NOTCH3: variants seen among roughly 807,000 people sequenced by gnomAD.
The protein encoded by NOTCH3 is notch receptor 3.
In NOTCH3, 86 loss-of-function variants were observed where a neutral mutation model predicts 213.3. The observed-to-expected ratio is 0.40, with a 90% CI of 0.34 to 0.48. The LOEUF (loss-of-function observed/expected upper bound fraction) is 0.48, where lower values mean the gene tolerates loss of function less well. NOTCH3 is among the 20% of genes least tolerant of loss of function. The pLI is 0.57. For missense variants in NOTCH3, 2,783 were observed against 3,272.6 expected, an observed-to-expected ratio of 0.85 and a Z score of 3.65; for synonymous variants, 1,354 against 1,355.9, an observed-to-expected ratio of 1.00 and a Z score of 0.03.
intron 24 of NOTCH3, among the ~76,000 whole-genome samples, chr19:15,176,626 G>C (rs994376292): frequency 1.3e-5 from 2 of 151,876 alleles, no homozygotes; most frequent in Non-Finnish European, 2.9e-5. Context: ...ACCCGGGCGC[G>C]GTGGCTCACA....
chr19:15,198,907 CAAA>C (rs111763170), intron 1 of NOTCH3, among the ~76,000 whole-genome samples: 1 of 130,294 alleles, frequency 7.7e-6, no homozygotes, highest in Admixed American at 7.8e-5. Context: ...GAGACTGTCT[CAAA>C]AAAAAAAAAG....
Position 15,186,944 on chromosome 19 carries a change from A to G in NOTCH3, c.1885T>C (p.Cys629Arg). 6.2e-7 allele frequency: 1 copy of G among 1,614,216 alleles called. No homozygotes were observed. The part of the protein sequence containing the change: ...VNIDDCASNP[C>R]TFGVCRDGIN... Reference sequence around the variant, plus strand: ...CCATCACGGCAGACTCCAAAGGTGCAGGGGTTGCTGGCACAGTCGTCAATG... The same window carrying G: ...CCATCACGGCAGACTCCAAAGGTGCGGGGGTTGCTGGCACAGTCGTCAATG... Residue 629 changes from cysteine to arginine, a missense_variant, in exon 12 of 33, where the codon TGC becomes CGC. This residue lies in a region of NOTCH3 where 708 missense variants were observed against 906.6 expected (regional missense o/e 0.78). Transcript: ENST00000263388.
intron 8 of NOTCH3, 119 bp downstream of exon 8, chr19:15,188,870 G>T: frequency 3.0e-6 from 3 of 988,746 alleles, no homozygotes; most frequent in Non-Finnish European, 3.0e-6. Context: ...CCAGGCTTCA[G>T]TCTCTAAGGG....
chr19:15,189,149 G>C lies in NOTCH3; in HGVS notation c.1218C>G (p.Gly406=). The C allele has an allele frequency of 6.2e-7, 1 of 1,613,370 alleles. No homozygotes were observed. The highest frequency in any genetic ancestry group is 8.5e-7 in the Non-Finnish European group (1 of 1,180,030). ...AGGAGCCCTGCGTGTTCACGCACCT[G>C]CCCAAGTGCTCGCAGGGGTTGGCGC... ...SIGANPCEHL[G]RCVNTQGSFL... Residue 406 remains glycine (G), a synonymous_variant, in exon 8 of 33, where the codon GGC becomes GGG. Transcript: ENST00000263388.
intron 8 of NOTCH3, 48 bp from the exon 9 acceptor site, chr19:15,188,396 T>G: frequency 8.1e-7 from 1 of 1,230,986 alleles, no homozygotes; most frequent in Non-Finnish European, 1.2e-6. Context: ...CCCTATGGTG[T>G]GAACGGGGTG....
At position 15,189,331 on chromosome 19, in the gene NOTCH3, G is replaced by A. The variant is rs2046909933; in HGVS notation, c.1134C>T (p.Thr378=). Residue 378 remains threonine, a synonymous_variant, in exon 7 of 33, where the codon ACC becomes ACT. Transcript: ENST00000263388. ...CCCCACCCGTGAAGCCGGGAGGACA[G>A]GTGCAAATGGCCCGGCCGTTCACCG... The part of the protein sequence containing the change: ...TNPVNGRAIC[T]CPPGFTGGAC... The A allele has an allele frequency of 6.2e-7, 1 of 1,614,106 alleles. No individual in the cohort carries two copies.
rs2046888166 is a variant in NOTCH3 at position 15,187,098 on chromosome 19, G to A, written c.1840+7C>T. The A allele has an allele frequency of 1.2e-6, 2 of 1,612,786 alleles. No homozygotes were observed. Among genetic ancestry groups the A allele is most frequent in the African/African-American group, 1.3e-5 (1 of 74,962 alleles). On this transcript the variant is annotated splice_region_variant and intron_variant, in intron 11 of 32. Transcript: ENST00000263388. Reference sequence around the variant, plus strand: ...TGTGCTGTTTCTGCCCCAGCCCCCGGTCCCACCTGTGGTCCCAGAAGGGCA... The same window carrying A: ...TGTGCTGTTTCTGCCCCAGCCCCCGATCCCACCTGTGGTCCCAGAAGGGCA...
Position 15,187,262 on chromosome 19 carries a change from A to G in NOTCH3, c.1683T>C (p.Asp561=). The G allele has an allele frequency of 6.2e-7, 1 of 1,614,128 alleles. No individual in the cohort carries two copies. The change falls in exon 11 of 33, where the codon GAT becomes GAC. Residue 561 remains aspartate, a synonymous_variant. Transcript: ENST00000263388. Reference sequence around the variant, plus strand: ...AGGCACATGAGAAGCTGGCGATGCCATCCACGCAGCGACCATGGTGGCATG... The same window carrying G: ...AGGCACATGAGAAGCTGGCGATGCCGTCCACGCAGCGACCATGGTGGCATG... ...PDPCHHGRCV[D]GIASFSCACA...
chr19:15,191,519 T>G lies in NOTCH3; in HGVS notation c.941A>C (p.Asn314Thr). ...NGWTGESCSQ[N>T]IDDCATAVCF... ...CACGGCTGTGGCACAGTCATCGATA[T>G]TCTGACTGCAGCTCTCGCCTGTCCA... The change falls in exon 6 of 33, where the codon AAT becomes ACT. Residue 314 changes from asparagine to threonine, a missense_variant. This residue lies in a region of NOTCH3 where 708 missense variants were observed against 906.6 expected (regional missense o/e 0.78). Transcript: ENST00000263388. 6.2e-7 allele frequency: 1 copy of G among 1,613,298 alleles called. No homozygotes were observed. Among genetic ancestry groups the G allele is most frequent in the Non-Finnish European group, 8.5e-7 (1 of 1,180,026 alleles).
Position 15,179,057 on chromosome 19 carries a change from C to T in NOTCH3, c.3686G>A (p.Gly1229Asp). 1 of 1,614,220 alleles carries T rather than the reference C, an allele frequency of 6.2e-7. No homozygotes were observed. Among genetic ancestry groups the T allele is most frequent in the Non-Finnish European group, 8.5e-7 (1 of 1,180,036 alleles). ...GCCAGCATGACAAAGGCAACGGAAA[C>T]CTCCGCCTGGGTCCTGCAGGCAGTC... is the stretch of plus-strand genomic sequence containing the variant. ...TRDCLQDPGGGFRCLCHAGFS... is the reference protein window; with the variant it reads ...TRDCLQDPGGDFRCLCHAGFS... The change falls in exon 22 of 33, where the codon GGT (glycine) becomes GAT (aspartate). Residue 1229 changes from glycine to aspartate, a missense_variant. Gly to Asp is a moderately conservative substitution (Grantham distance 94). This residue lies in a region of NOTCH3 where 861 missense variants were observed against 909.1 expected (regional missense o/e 0.95). Coordinates refer to ENST00000263388, the MANE Select transcript of NOTCH3 (RefSeq NM_000435.3).
chr19:15,170,935 AC>A, intron 25 of NOTCH3, 110 bp from the exon 26 acceptor site: 1 of 1,225,148 alleles, frequency 8.2e-7, no homozygotes, highest in Non-Finnish European at 1.2e-6. Context: ...CGCCATCTCC[AC>A]CCACAGGTCT....
chr19:15,195,279 G>A (rs1053767367), intron 2 of NOTCH3, among the ~76,000 whole-genome samples: 1 of 152,108 alleles, frequency 6.6e-6, no homozygotes, highest in Non-Finnish European at 1.5e-5. Context: ...CTCATCTTGG[G>A]GGGGTGGTCC....
chr19:15,181,697 A>C lies in NOTCH3; in HGVS notation c.2671T>G (p.Cys891Gly), dbSNP rs1447534769. The part of the protein sequence containing the change: ...GPRCARDVDE[C>G]LSNPCGPGTC... ...CCCGGGCCGCAGGGGTTGCTCAGGC[A>C]CTCATCCACATCGCGGGCGCATCGT... The change falls in exon 17 of 33, where the codon TGC becomes GGC. Residue 891 changes from cysteine to glycine, a missense_variant. Transcript: ENST00000263388. 6.4e-7 allele frequency: 1 copy of C among 1,564,044 alleles called. No homozygotes were observed.
In NOTCH3 at chr19:15,174,187, C is replaced by G; in HGVS notation, c.4617G>C (p.Leu1539=). The part of the protein sequence containing the change: ...ADFLQRLSAI[L]RTSLRFRLDA... ...CCAGGCGGAAGCGCAGCGAGGTGCG[C>G]AGGATGGCGCTGAGCCGCTGCAGAA... Residue 1539 remains leucine (L), a synonymous_variant, in exon 25 of 33, where the codon CTG becomes CTC. Coordinates refer to ENST00000263388, the MANE Select transcript of NOTCH3 (RefSeq NM_000435.3). 1 of 1,608,782 alleles carries G rather than the reference C, an allele frequency of 6.2e-7. No individual in the cohort carries two copies. The highest frequency in any genetic ancestry group is 2.2e-5 in the East Asian group (1 of 44,860).
chr19:15,174,721 G>A (rs1171873231), intron 24 of NOTCH3, among the ~76,000 whole-genome samples: 1 of 151,302 alleles, frequency 6.6e-6, no homozygotes, highest in African/African-American at 2.4e-5. Context: ...TTACAGGCAT[G>A]CACCACCACG....
Position 15,179,158 on chromosome 19 carries a change from T to C in NOTCH3, c.3585A>G (p.Pro1195=), listed in dbSNP as rs770998046. Residue 1195 remains proline (P), a synonymous_variant, in exon 22 of 33, where the codon CCA becomes CCG. Transcript: ENST00000263388. The part of the protein sequence containing the change: ...LVGGFRCTCP[P]GYTGLRCEAD... ...CCTCGCAGCGCAAACCAGTGTATCC[T>C]GGGGGACAGGTGCAGCGGAAACCAC... The C allele has an allele frequency of 6.2e-6, 10 of 1,614,132 alleles. No individual in the cohort carries two copies. Among genetic ancestry groups the C allele is most frequent in the Non-Finnish European group, 8.5e-6 (10 of 1,180,000 alleles).
At position 15,180,325 on chromosome 19, in the gene NOTCH3, G is replaced by A. The variant is rs60360024; in HGVS notation, c.3143-69C>T. ...ATCCCCCTTCTGCCTCCATCACACAGATCATTCAACATCCTTGGTGGAATG... is the reference window on the plus strand; with the variant it reads ...ATCCCCCTTCTGCCTCCATCACACAAATCATTCAACATCCTTGGTGGAATG... On this transcript the variant is annotated intron_variant, in intron 19 of 32. Transcript: ENST00000263388. The A allele has an allele frequency of 2.6e-3, 3,962 of 1,535,072 alleles. 98 individuals are homozygous for A. The East Asian group carries it at 0.069, about 27-fold the overall frequency.
intron 2 of NOTCH3, 43 bp downstream of exon 2, chr19:15,197,457 C>A: frequency 8.3e-7 from 1 of 1,204,318 alleles, no homozygotes; most frequent in South Asian, 1.2e-5. Context: ...CCCCCCCGCC[C>A]CCACACACAG....
intron 1 of NOTCH3, among the ~76,000 whole-genome samples, chr19:15,200,409 G>A (rs2047003192): frequency 6.6e-6 from 1 of 151,766 alleles, no homozygotes. Flanking sequence ...AGAGGTCCCC[G>A]GCCTAGAAGT....
Sources: allele counts gnomAD v4.1 joint callset (sites outside exome capture counted in the v4.1 genomes callset), GRCh38; gene constraint gnomAD v4.1.1; regional missense constraint gnomAD v4.1.1; transcripts MANE v1.5; gene names NCBI Gene and HGNC (gene_info 2026-07-23, HGNC 2026-07-21).